The following PLCL1 variants were observed in gnomAD, a reference collection of about 807,000 sequenced individuals.
PLCL1 encodes the protein inactive phospholipase C-like protein 1.
A neutral mutation model predicts 84.4 loss-of-function variants in PLCL1; 41 were observed. The ratio of observed to expected loss-of-function variants is 0.49; its 90% confidence interval spans 0.38 to 0.63. PLCL1 has a LOEUF of 0.63. Among genes scored for constraint, PLCL1 ranks in the 30% least tolerant of loss-of-function variants. The probability of loss-of-function intolerance (pLI) is 0.00; values close to 1 mark genes in which losing one functional copy is unlikely to be tolerated. For synonymous variants in PLCL1, 490 were observed against 488.3 expected (o/e 1.00, Z -0.05); for missense variants, 1,206 against 1,367.8 (o/e 0.88, Z 1.87).
chr2:198,009,046 A>T (rs754630057), intron 1 of PLCL1, among the ~76,000 whole-genome samples: 11 of 151,640 alleles, frequency 7.3e-5, no homozygotes, highest in Non-Finnish European at 1.5e-4. Flanking sequence ...TTTAGAATCA[A>T]TTTTTTTGTT....
At chr2:198,087,803 A>G (rs938215508) in intron 2 of PLCL1, among the ~76,000 whole-genome samples, 5 of 152,174 alleles carry the variant, frequency 3.3e-5, no homozygotes, top group African/African-American at 1.2e-4. Context: ...TTATAAATAT[A>G]TATACCTACT....
chr2:197,986,889 T>A (rs1283711696), intron 1 of PLCL1, among the ~76,000 whole-genome samples: 3 of 152,326 alleles, frequency 2.0e-5, no homozygotes, highest in African/African-American at 7.2e-5. Flanking sequence ...ATAATCACCT[T>A]ACAAGCTAGA....
In PLCL1 at chr2:198,014,767, T is replaced by C. The variant is rs1306828835; in HGVS notation, c.241-68991T>C. On this transcript the variant is annotated intron_variant, in intron 1 of 5. Transcript: ENST00000428675. ...ATACACACAGATTAGCCTTTGCAAATAATTCACTTAATACTAGCTACACCC... is the reference window on the plus strand; with the variant it reads ...ATACACACAGATTAGCCTTTGCAAACAATTCACTTAATACTAGCTACACCC... Among the ~76,000 whole-genome samples the C allele has an allele frequency of 2.0e-5, 3 of 152,138 alleles. No homozygotes were observed. In the East Asian group the frequency reaches 5.8e-4, roughly 29 times the overall value.
intron 5 of PLCL1, among the ~76,000 whole-genome samples, chr2:198,125,421 CAT>C (rs139515015): frequency 0.021 from 3,200 of 152,054 alleles, 120 homozygotes; most frequent in African/African-American, 0.074. Flanking sequence ...AAATAAACAA[CAT>C]GTGGTTTACA....
chr2:198,101,358 C>T lies in PLCL1; in HGVS notation c.2993C>T (p.Ala998Val). 1 of 1,497,154 alleles carries T rather than the reference C, an allele frequency of 6.7e-7. No homozygotes were observed. Among genetic ancestry groups the T allele is most frequent in the Non-Finnish European group, 9.1e-7 (1 of 1,097,970 alleles). The allele number at this position is 1,497,154 out of a possible 1,614,324, so 92.7% of individuals were successfully genotyped here. ...GAAAAGATTGTACAGTGTCAGAAAGCAGGTAATTGTTTTTAATTTTTTTTT... is the reference window on the plus strand; with the variant it reads ...GAAAAGATTGTACAGTGTCAGAAAGTAGGTAATTGTTTTTAATTTTTTTTT... Reference protein sequence around the residue: ...VQEKIVQCQKAGMEFHEELHN... With the variant: ...VQEKIVQCQKVGMEFHEELHN... Residue 998 changes from alanine to valine, a missense_variant and splice_region_variant, in exon 4 of 6, where the codon GCA becomes GTA. Coordinates refer to ENST00000428675, the MANE Select transcript of PLCL1 (RefSeq NM_006226.4).
At chr2:198,119,706 T>G (rs1417920181) in intron 5 of PLCL1, among the ~76,000 whole-genome samples, 3 of 151,974 alleles carry the variant, frequency 2.0e-5, no homozygotes, top group Admixed American at 2.0e-4. Context: ...CTGTAGCTTA[T>G]ACACAATTTT....
intron 1 of PLCL1, among the ~76,000 whole-genome samples, chr2:197,917,896 C>A (rs1396773186): frequency 1.3e-5 from 2 of 152,156 alleles, no homozygotes; most frequent in East Asian, 3.8e-4. Flanking sequence ...ATGGCCAACA[C>A]TGGAACTGTT....
At chr2:197,822,438 C>T (rs898080676) in intron 1 of PLCL1, among the ~76,000 whole-genome samples, 1 of 152,172 alleles carries the variant, frequency 6.6e-6, no homozygotes, top group African/African-American at 2.4e-5. Flanking sequence ...TCTCACATGA[C>T]AGCTCTTGAC....
intron 1 of PLCL1, among the ~76,000 whole-genome samples, chr2:198,000,846 TA>T (rs1349609320): frequency 1.3e-5 from 2 of 152,262 alleles, no homozygotes; most frequent in Admixed American, 1.3e-4. Context: ...TGATTATTCA[TA>T]AAAAATATGC....
chr2:197,925,188 G>GA (rs916850147), intron 1 of PLCL1, among the ~76,000 whole-genome samples: 6 of 151,604 alleles, frequency 4.0e-5, no homozygotes, highest in African/African-American at 1.5e-4. Context: ...TAAGTATTGA[G>GA]AAAAAAAATC....
At chr2:197,811,970 T>C (rs1425899990) in intron 1 of PLCL1, among the ~76,000 whole-genome samples, 7 of 152,198 alleles carry the variant, frequency 4.6e-5, no homozygotes. Flanking sequence ...TAACCCAACC[T>C]TCCCCTTCGA....
At chr2:197,892,002 T>C (rs1363809622) in intron 1 of PLCL1, among the ~76,000 whole-genome samples, 2 of 152,240 alleles carry the variant, frequency 1.3e-5, no homozygotes, top group Non-Finnish European at 1.5e-5. Context: ...GTGTGCTTTA[T>C]GATCTTAAGA....
At chr2:198,107,644 T>C (rs1179041333) in intron 5 of PLCL1, among the ~76,000 whole-genome samples, 1 of 152,008 alleles carries the variant, frequency 6.6e-6, no homozygotes, top group Non-Finnish European at 1.5e-5. Flanking sequence ...TGTTAACTTC[T>C]GACTTAAGCC....
chr2:198,063,403 A>G (rs1692250602), intron 1 of PLCL1, among the ~76,000 whole-genome samples: 1 of 152,132 alleles, frequency 6.6e-6, no homozygotes, highest in South Asian at 2.1e-4. Context: ...ACCCAGCAAA[A>G]CAACATAATC....
At chr2:197,900,212 G>C (rs1467784605) in intron 1 of PLCL1, among the ~76,000 whole-genome samples, 1 of 152,206 alleles carries the variant, frequency 6.6e-6, no homozygotes, top group Non-Finnish European at 1.5e-5. Flanking sequence ...AGTACATATA[G>C]TAAGTGGCCA....
intron 1 of PLCL1, among the ~76,000 whole-genome samples, chr2:198,011,919 G>A (rs946094769): frequency 1.4e-4 from 22 of 151,880 alleles, no homozygotes; most frequent in Non-Finnish European, 1.5e-4. Context: ...ATACAACTCT[G>A]GTCACTTCTC....
At chr2:198,075,376 A>G (rs1422397656) in intron 1 of PLCL1, among the ~76,000 whole-genome samples, 1 of 152,240 alleles carries the variant, frequency 6.6e-6, no homozygotes, top group African/African-American at 2.4e-5. Context: ...AAATCGTCAG[A>G]TGACCTTTAT....
chr2:198,076,531 C>G (rs1692579612), intron 1 of PLCL1, among the ~76,000 whole-genome samples: 1 of 152,096 alleles, frequency 6.6e-6, no homozygotes, highest in East Asian at 1.9e-4. Context: ...TTTTATTGAT[C>G]ATAAAATAAC....
At chr2:198,145,696 G>A (rs1694500881) in intron 5 of PLCL1, among the ~76,000 whole-genome samples, 1 of 152,234 alleles carries the variant, frequency 6.6e-6, no homozygotes, top group Non-Finnish European at 1.5e-5. Context: ...GAATTGGCAA[G>A]TGCATATTTA....
Sources: gnomAD v4.1 joint callset for allele counts (sites outside exome capture counted in the v4.1 genomes callset) on GRCh38, gnomAD v4.1.1 for gene constraint, MANE v1.5 for transcripts, NCBI Gene and HGNC (gene_info 2026-07-23, HGNC 2026-07-21) for gene names.